Variants in PTPRD observed in about 807,000 individuals in gnomAD.
The protein encoded by PTPRD is receptor-type tyrosine-protein phosphatase delta.
Under a neutral mutation model 214.5 loss-of-function variants are expected in PTPRD, and 34 were observed. The observed-to-expected ratio is 0.16, with a 90% CI of 0.12 to 0.21. The LOEUF (loss-of-function observed/expected upper bound fraction) is 0.21. Among genes scored for constraint, PTPRD ranks in the 10% least tolerant of loss-of-function variants. PTPRD has a pLI of 1.00. For missense variants in PTPRD, 2,545 were observed against 2,398.7 expected (o/e 1.06, Z -1.27); for synonymous variants, 1,128 against 845.7 (o/e 1.33, Z -5.79).
intron 7 of PTPRD, among the ~76,000 whole-genome samples, chr9:9,622,648 A>G (rs1220749460): frequency 1.3e-5 from 2 of 152,214 alleles, no homozygotes; most frequent in Non-Finnish European, 2.9e-5. Context: ...GGATCACCGA[A>G]AAAAAGTTCA....
At chr9:9,847,969 GA>G (rs770909953) in intron 5 of PTPRD, among the ~76,000 whole-genome samples, 25 of 152,072 alleles carry the variant, frequency 1.6e-4, no homozygotes, top group Non-Finnish European at 2.8e-4. Flanking sequence ...GCCAGAAAAC[GA>G]AAATCACACA....
chr9:10,391,966 C>T (rs2098075953), intron 2 of PTPRD, among the ~76,000 whole-genome samples: 1 of 151,724 alleles, frequency 6.6e-6, no homozygotes, highest in Non-Finnish European at 1.5e-5. Context: ...GGTTTCTGCT[C>T]AAATGGTCAC....
At chr9:8,452,666 G>C (rs1428471563) in intron 33 of PTPRD, among the ~76,000 whole-genome samples, 1 of 152,080 alleles carries the variant, frequency 6.6e-6, no homozygotes, top group African/African-American at 2.4e-5. Context: ...CTACTATGTG[G>C]AGGAGTTATG....
At chr9:8,791,443 C>T (rs1411867790) in intron 11 of PTPRD, among the ~76,000 whole-genome samples, 2 of 151,346 alleles carry the variant, frequency 1.3e-5, no homozygotes, top group African/African-American at 4.9e-5. Flanking sequence ...TCAGGCTGGT[C>T]TCGAACTCCT....
intron 7 of PTPRD, among the ~76,000 whole-genome samples, chr9:9,589,956 A>G (rs2092544735): frequency 6.6e-6 from 1 of 151,946 alleles, no homozygotes; most frequent in Non-Finnish European, 1.5e-5. Context: ...CGCTCAAACT[A>G]TTCATACATT....
At chr9:9,387,569 A>G (rs1284086639) in intron 9 of PTPRD, among the ~76,000 whole-genome samples, 3 of 152,144 alleles carry the variant, frequency 2.0e-5, no homozygotes, top group African/African-American at 7.2e-5. Context: ...GCTTTTATTA[A>G]TACTTTCTAG....
intron 7 of PTPRD, among the ~76,000 whole-genome samples, chr9:9,642,093 T>C (rs1306956689): frequency 1.3e-5 from 2 of 148,484 alleles, no homozygotes; most frequent in East Asian, 2.0e-4. Context: ...CCATAAAAAA[T>C]GATGAGTTCA....
At chr9:8,385,927 G>A (rs2135471405) in intron 37 of PTPRD, among the ~76,000 whole-genome samples, 1 of 152,246 alleles carries the variant, frequency 6.6e-6, no homozygotes, top group Admixed American at 6.5e-5. Flanking sequence ...ACATGGAGAG[G>A]TTGGTCAGGA....
intron 5 of PTPRD, among the ~76,000 whole-genome samples, chr9:9,896,076 A>AT (rs897936584): frequency 3.9e-5 from 6 of 151,964 alleles, no homozygotes; most frequent in East Asian, 1.9e-4. Context: ...AGACAGATTA[A>AT]TTTTTTTCAG....
At chr9:8,471,216 C>T in intron 30 of PTPRD, 131 bp from the exon 31 acceptor site, 1 of 698,762 alleles carries the variant, frequency 1.4e-6, no homozygotes. Context: ...CCATTTCTTA[C>T]ATCAATGACA....
At chr9:10,461,182 A>T (rs888857464) in intron 2 of PTPRD, among the ~76,000 whole-genome samples, 3 of 151,324 alleles carry the variant, frequency 2.0e-5, no homozygotes, top group Non-Finnish European at 4.4e-5. Context: ...ACAATTCAAA[A>T]CTCTATATAT....
chr9:9,002,017 G>C, intron 11 of PTPRD, among the ~76,000 whole-genome samples: 1 of 150,642 alleles, frequency 6.6e-6, no homozygotes, highest in African/African-American at 2.4e-5. Flanking sequence ...GGGGGTGGGG[G>C]GGTGTTGGGA....
At chr9:8,804,474 T>A (rs2096634423) in intron 11 of PTPRD, among the ~76,000 whole-genome samples, 1 of 151,864 alleles carries the variant, frequency 6.6e-6, no homozygotes, top group African/African-American at 2.4e-5. Context: ...GGTGCATGCC[T>A]GTGGTCCCAA....
At chr9:9,072,990 G>T (rs2154411324) in intron 10 of PTPRD, among the ~76,000 whole-genome samples, 1 of 152,272 alleles carries the variant, frequency 6.6e-6, no homozygotes, top group Non-Finnish European at 1.5e-5. Flanking sequence ...TTTTCGATTT[G>T]AGGATCTCAA....
At position 8,449,704 on chromosome 9, in the gene PTPRD, T is replaced by G. The variant is rs763742898; in HGVS notation, c.3988+21A>C. The G allele has an allele frequency of 1.9e-6, 3 of 1,601,908 alleles. No individual in the cohort carries two copies. The Admixed American group carries it at 5.0e-5, about 27-fold the overall frequency. Reference sequence around the variant, plus strand: ...CTTCTGGGAAAGACTGTGTGTGGATTAGATGTGTGATGCTTCTTACCCGGT... The same window carrying G: ...CTTCTGGGAAAGACTGTGTGTGGATGAGATGTGTGATGCTTCTTACCCGGT... On this transcript the variant is annotated intron_variant, in intron 34 of 45. Coordinates refer to ENST00000381196, the MANE Select transcript of PTPRD (RefSeq NM_002839.4).
chr9:9,336,996 T>C lies in PTPRD; in HGVS notation c.-203+60453A>G, dbSNP rs574348860. 7.9e-5 allele frequency among the ~76,000 whole-genome samples: 12 copies of C among 152,272 alleles called. No homozygotes were observed. The South Asian group carries it at 2.1e-3, about 26-fold the overall frequency. ...TAATAGTTCTTTAAGGGAAGACCTA[T>C]ATAGGGACAATTTAAAAATTTTTAA... On this transcript the variant is annotated intron_variant, in intron 9 of 45. Coordinates refer to ENST00000381196, the MANE Select transcript of PTPRD (RefSeq NM_002839.4).
At chr9:10,536,730 G>C (rs1455799115) in intron 2 of PTPRD, among the ~76,000 whole-genome samples, 1 of 152,086 alleles carries the variant, frequency 6.6e-6, no homozygotes, top group Admixed American at 6.6e-5. Flanking sequence ...GAACACTGCA[G>C]AGAATAAAAA....
intron 11 of PTPRD, among the ~76,000 whole-genome samples, chr9:8,807,994 C>A (rs2096721712): frequency 6.6e-6 from 1 of 152,160 alleles, no homozygotes; most frequent in Non-Finnish European, 1.5e-5. Context: ...ATTTCAAACA[C>A]TGCTTGGGGA....
intron 42 of PTPRD, 87 bp from the exon 43 acceptor site, chr9:8,339,134 T>C: frequency 7.6e-7 from 1 of 1,311,940 alleles, no homozygotes; most frequent in South Asian, 1.9e-5. Flanking sequence ...ATCTATCTAA[T>C]TTCCTTATCC....
Sources: gnomAD v4.1 joint callset for allele counts (sites outside exome capture counted in the v4.1 genomes callset) on GRCh38, gnomAD v4.1.1 for gene constraint, MANE v1.5 for transcripts, NCBI Gene and HGNC (gene_info 2026-07-23, HGNC 2026-07-21) for gene names.